The following DCC variants were observed in gnomAD, a reference collection of about 807,000 sequenced individuals.
The protein encoded by DCC is DCC netrin 1 receptor, also known as netrin receptor DCC.
A neutral mutation model predicts 172.5 loss-of-function variants in DCC; 58 were observed. The observed-to-expected ratio is 0.34, with a 90% CI of 0.27 to 0.42. DCC has a LOEUF of 0.42. Among genes scored for constraint, DCC ranks in the 10% least tolerant of loss-of-function variants. The pLI, the probability that DCC is intolerant of heterozygous loss-of-function variation, is 1.00. For synonymous variants in DCC, 709 were observed against 644.5 expected, an observed-to-expected ratio of 1.10 and a Z score of -1.52; for missense variants, 1,740 against 1,791.0, an observed-to-expected ratio of 0.97 and a Z score of 0.51.
At chr18:52,933,576 G>C (rs1219760418) in intron 5 of DCC, among the ~76,000 whole-genome samples, 1 of 152,052 alleles carries the variant, frequency 6.6e-6, no homozygotes, top group Non-Finnish European at 1.5e-5. Flanking sequence ...TGCTGGATGG[G>C]AGAATCCATA....
intron 1 of DCC, among the ~76,000 whole-genome samples, chr18:52,635,762 C>T (rs961775496): frequency 6.6e-6 from 1 of 152,132 alleles, no homozygotes; most frequent in Non-Finnish European, 1.5e-5. Context: ...ATCAATAAGA[C>T]CTTGACCTTG....
intron 12 of DCC, among the ~76,000 whole-genome samples, chr18:53,294,790 A>G (rs2057046953): frequency 6.6e-6 from 1 of 152,186 alleles, no homozygotes; most frequent in African/African-American, 2.4e-5. Flanking sequence ...TTTTTACATA[A>G]CCAGGGAAAG....
At chr18:52,417,139 T>C (rs936207918) in intron 1 of DCC, among the ~76,000 whole-genome samples, 5 of 152,118 alleles carry the variant, frequency 3.3e-5, no homozygotes, top group Non-Finnish European at 7.4e-5. Flanking sequence ...TGAAGCTTAG[T>C]TTGGCTGGAT....
chr18:52,525,792 A>G (rs538392036), intron 1 of DCC, among the ~76,000 whole-genome samples: 8 of 152,322 alleles, frequency 5.3e-5, no homozygotes, highest in African/African-American at 1.7e-4. Context: ...GGACAGAAAG[A>G]CAAAGTAATT....
intron 19 of DCC, among the ~76,000 whole-genome samples, chr18:53,407,528 G>GATAT (rs74180422): frequency 0.088 from 10,376 of 117,272 alleles, 677 homozygotes; most frequent in Admixed American, 0.19. Context: ...TTTTATTCTG[G>GATAT]ATATATATAT....
chr18:52,961,229 C>T (rs537432378), intron 5 of DCC, among the ~76,000 whole-genome samples: 1 of 152,200 alleles, frequency 6.6e-6, no homozygotes, highest in Admixed American at 6.6e-5. Flanking sequence ...CAACATGACA[C>T]ATGTATACAT....
intron 5 of DCC, among the ~76,000 whole-genome samples, chr18:53,028,313 T>A (rs2041984057): frequency 6.6e-6 from 1 of 152,164 alleles, no homozygotes; most frequent in African/African-American, 2.4e-5. Context: ...TATTAAAATT[T>A]GTCTTGCATT....
chr18:53,373,004 G>T (rs573733585), intron 15 of DCC, among the ~76,000 whole-genome samples: 2 of 152,152 alleles, frequency 1.3e-5, no homozygotes, highest in Non-Finnish European at 2.9e-5. Context: ...GCTAAAGAAA[G>T]CTGAGCCTAA....
At chr18:52,518,375 C>T (rs117798261) in intron 1 of DCC, among the ~76,000 whole-genome samples, 1,763 of 152,152 alleles carry the variant, frequency 0.012, 21 homozygotes, top group South Asian at 0.023. Context: ...TATGTATTTA[C>T]AAGGAAGAGT....
chr18:53,377,010 T>G (rs2144971048), intron 15 of DCC, among the ~76,000 whole-genome samples: 1 of 152,306 alleles, frequency 6.6e-6, no homozygotes, highest in South Asian at 2.1e-4. Flanking sequence ...TCTTTTCCAC[T>G]TTCCCTGGAC....
intron 15 of DCC, among the ~76,000 whole-genome samples, chr18:53,364,817 C>G (rs1476507645): frequency 6.6e-6 from 1 of 152,046 alleles, no homozygotes; most frequent in Non-Finnish European, 1.5e-5. Context: ...TAAAGGTGTC[C>G]TAACCATCCC....
intron 2 of DCC, among the ~76,000 whole-genome samples, chr18:52,804,990 A>G (rs1180187539): frequency 6.6e-6 from 1 of 152,140 alleles, no homozygotes; most frequent in Non-Finnish European, 1.5e-5. Context: ...ATCAGGATAG[A>G]TTTTTTTCAA....
intron 9 of DCC, among the ~76,000 whole-genome samples, chr18:53,197,473 A>T (rs2055462804): frequency 1.4e-5 from 2 of 146,996 alleles, no homozygotes; most frequent in South Asian, 4.3e-4. Flanking sequence ...ATTTTGGAAC[A>T]GTAGAACTCA....
At chr18:52,953,771 G>C (rs1452523550) in intron 5 of DCC, among the ~76,000 whole-genome samples, 1 of 152,198 alleles carries the variant, frequency 6.6e-6, no homozygotes, top group East Asian at 1.9e-4. Flanking sequence ...CAAACACTAT[G>C]AAAGAGATGA....
At chr18:53,086,325 T>TTTCTTC (rs757046322) in intron 7 of DCC, among the ~76,000 whole-genome samples, 1 of 34,836 alleles carries the variant, frequency 2.9e-5, no homozygotes, top group African/African-American at 4.8e-4. Context: ...TTCTTCTTCC[T>TTTCTTC]TTCTTCTTCT....
chr18:53,480,490 A>G (rs928006637), intron 25 of DCC, among the ~76,000 whole-genome samples: 2 of 152,200 alleles, frequency 1.3e-5, no homozygotes, highest in Non-Finnish European at 2.9e-5. Flanking sequence ...TTTAAAAACT[A>G]TTATTTATTT....
intron 5 of DCC, among the ~76,000 whole-genome samples, chr18:53,008,045 T>C (rs1338302025): frequency 1.3e-5 from 2 of 152,176 alleles, no homozygotes; most frequent in African/African-American, 4.8e-5. Flanking sequence ...ATTGAAACTA[T>C]GAAGCAACAC....
chr18:53,353,248 T>C (rs567109729), intron 15 of DCC, among the ~76,000 whole-genome samples: 1 of 145,930 alleles, frequency 6.9e-6, no homozygotes, highest in African/African-American at 2.5e-5. Context: ...CACTCCAGCA[T>C]GGGCAACAAG....
At chr18:53,242,871 G>GGTGTGTGTGTGTGTGT (rs3059140) in intron 12 of DCC, among the ~76,000 whole-genome samples, 1 of 148,434 alleles carries the variant, frequency 6.7e-6, no homozygotes, top group African/African-American at 2.5e-5. Context: ...ATGACAAGTA[G>GGTGTGTGTGTGTGTGT]GTGTGTGTGT....
Sources: allele counts gnomAD v4.1 joint callset (sites outside exome capture counted in the v4.1 genomes callset), GRCh38; gene constraint gnomAD v4.1.1; transcripts MANE v1.5; gene names NCBI Gene and HGNC (gene_info 2026-07-23, HGNC 2026-07-21).